C1QTNF9B: variants seen among roughly 807,000 people sequenced by gnomAD.
C1QTNF9B encodes C1q and TNF related 9B, also known as complement C1q and tumor necrosis factor-related protein 9B.
In C1QTNF9B, 9 loss-of-function variants were observed where a neutral mutation model predicts 10.1. The observed-to-expected ratio is 0.89, with a 90% confidence interval of 0.53 to 1.55. The LOEUF is 1.55. Ranked by LOEUF, C1QTNF9B falls within the 40% of genes most tolerant of loss-of-function variation. The probability of loss-of-function intolerance (pLI) is 0.00; values close to 1 mark genes in which losing one functional copy is unlikely to be tolerated. For synonymous variants in C1QTNF9B, 79 were observed against 159.9 expected (o/e 0.49, Z 3.82); for missense variants, 196 against 414.4 (o/e 0.47, Z 4.58).
exon 3 of C1QTNF9B, chr13:23,891,562 G>C: frequency 6.2e-7 from 1 of 1,604,494 alleles, no homozygotes; most frequent in South Asian, 1.1e-5. Context: ...CAGCAATGTG[G>C]CACGTGAATT....
intron 1 of C1QTNF9B, among the ~76,000 whole-genome samples, chr13:23,895,756 TACACACACACAC>T (rs71185099): frequency 1.6e-4 from 24 of 146,680 alleles, no homozygotes; most frequent in African/African-American, 5.5e-4. Context: ...GACACAGACA[TACACACACACAC>T]ACACACACAC....
exon 3 of C1QTNF9B, chr13:23,891,590 T>A: frequency 6.3e-7 from 1 of 1,594,942 alleles, no homozygotes; most frequent in South Asian, 1.1e-5. Context: ...TGCTGTATCA[T>A]AATGGTTGAA....
chr13:23,891,570 A>G (rs995993348), exon 3 of C1QTNF9B: 1 of 1,578,274 alleles, frequency 6.3e-7, no homozygotes, highest in African/African-American at 1.4e-5. Context: ...TGGCACGTGA[A>G]TTTCCCCACT....
At chr13:23,897,188 C>T, upstream of C1QTNF9B, 1 of 621,552 alleles carries the variant, frequency 1.6e-6, no homozygotes. Flanking sequence ...TGACATTGTC[C>T]TTGGAAGGTA....
chr13:23,894,656 G>T, intron 1 of C1QTNF9B: 2 of 459,352 alleles, frequency 4.4e-6, no homozygotes, highest in South Asian at 3.1e-5. Flanking sequence ...TGAAAACACA[G>T]ATGACTATGG....
At chr13:23,897,425 T>A, upstream of C1QTNF9B, 1 of 192,250 alleles carries the variant, frequency 5.2e-6, no homozygotes, top group South Asian at 1.5e-4. Flanking sequence ...TACCATCTGA[T>A]CCAGCAATTC....
intron 2 of C1QTNF9B, among the ~76,000 whole-genome samples, chr13:23,893,535 A>G (rs1872091785): frequency 6.6e-6 from 1 of 152,192 alleles, no homozygotes; most frequent in Admixed American, 6.5e-5. Flanking sequence ...TGCAGTGATG[A>G]GATCATGGCT....
chr13:23,894,648 A>G (rs559168093), intron 1 of C1QTNF9B: 3 of 460,868 alleles, frequency 6.5e-6, no homozygotes, highest in Admixed American at 4.7e-5. Flanking sequence ...GGCTCCTATG[A>G]AAACACAGAT....
chr13:23,894,411 G>A, intron 1 of C1QTNF9B: 1 of 637,568 alleles, frequency 1.6e-6, no homozygotes, highest in South Asian at 1.6e-5. Context: ...CCTAAGAAAT[G>A]AACTGAGTGA....
At position 23,894,757 on chromosome 13, in the gene C1QTNF9B, C is replaced by T. The variant is rs112462835; in HGVS notation, c.167-556G>A. The T allele has an allele frequency of 7.8e-4, 319 of 406,550 alleles. 1 individual carries two copies. Among genetic ancestry groups the T allele is most frequent in the African/African-American group, 6.0e-3 (295 of 49,120 alleles). 25.2% of individuals were successfully genotyped at this position (406,550 alleles called of 1,614,324 possible). ...GGGGAAATGCTACTAATCGAGCTGGCAGAGAACATCAGGTGAGTGGGGCTC... is the reference window on the plus strand; with the variant it reads ...GGGGAAATGCTACTAATCGAGCTGGTAGAGAACATCAGGTGAGTGGGGCTC... On this transcript the variant is annotated intron_variant, in intron 1 of 2. Transcript: ENST00000382137.
chr13:23,891,387 A>C lies in C1QTNF9B; in HGVS notation c.904T>G (p.Trp302Gly), dbSNP rs1317496008. The C allele has an allele frequency of 2.5e-6, 4 of 1,581,512 alleles. 1 individual carries two copies. Among genetic ancestry groups the C allele is most frequent in the Non-Finnish European group, 3.5e-6 (4 of 1,153,812 alleles). The change falls in exon 3 of 3, where the codon TGG becomes GGG. Residue 302 changes from tryptophan to glycine, a missense_variant. Coordinates refer to ENST00000382137, the Ensembl canonical transcript of C1QTNF9B. ...CTCTCTCCTCCTGTCACCTGCAGCCACATCTCATCCCCGAGCTTCAGCTGC... is the reference window on the plus strand; with the variant it reads ...CTCTCTCCTCCTGTCACCTGCAGCCCCATCTCATCCCCGAGCTTCAGCTGC...
Position 23,892,064 on chromosome 13 carries a change from AAAT to A in C1QTNF9B, c.230-6_230-4del, listed in dbSNP as rs1449250197. On this transcript the variant is annotated splice_polypyrimidine_tract_variant and splice_region_variant and intron_variant, in intron 2 of 2. Coordinates refer to ENST00000382137, the Ensembl canonical transcript of C1QTNF9B. ...TGCTTCAACTTTTCCATCTGCTCCT[AAAT>A]AGAGAAAGAGCAAATAAAGAGATAG... 8 of 1,613,190 alleles carry A rather than the reference AAAT, an allele frequency of 5.0e-6. No homozygotes were observed. The highest frequency in any genetic ancestry group is 6.8e-6 in the Non-Finnish European group (8 of 1,179,774).
At chr13:23,894,769 G>C (rs376805638) in intron 1 of C1QTNF9B, 2 of 398,630 alleles carry the variant, frequency 5.0e-6, no homozygotes, top group Non-Finnish European at 1.0e-5. Context: ...GAGAACATCA[G>C]GTGAGTGGGG....
chr13:23,891,608 T>C lies in C1QTNF9B; in HGVS notation c.683A>G (p.Tyr228Cys), dbSNP rs776098924. 1.9e-6 allele frequency: 3 copies of C among 1,612,322 alleles called. No individual in the cohort carries two copies. The Admixed American group carries it at 5.0e-5, about 27-fold the overall frequency. Reference sequence around the variant, plus strand: ...TGTATCATAATGGTTGAATTCATTATACAGGATCTTATCAAATTTAATGGG... The same window carrying C: ...TGTATCATAATGGTTGAATTCATTACACAGGATCTTATCAAATTTAATGGG... The change falls in exon 3 of 3, where the codon TAT (tyrosine) becomes TGT (cysteine). Residue 228 changes from tyrosine to cysteine, a missense_variant. Physicochemically the swap from Tyr to Cys is radical, Grantham distance 194. This residue lies in a region of C1QTNF9B where 28 missense variants were observed against 74.9 expected (regional missense o/e 0.37). Coordinates refer to ENST00000382137, the Ensembl canonical transcript of C1QTNF9B.
chr13:23,895,576 G>A (rs1872172099), intron 1 of C1QTNF9B, among the ~76,000 whole-genome samples: 1 of 152,132 alleles, frequency 6.6e-6, no homozygotes, highest in East Asian at 1.9e-4. Context: ...GGTGAGCAGA[G>A]GAGAGAAATT....
Position 23,891,167 on chromosome 13 carries a change from C to T in C1QTNF9B, c.*122G>A, listed in dbSNP as rs1369601653. 21 of 1,036,908 alleles carry T rather than the reference C, an allele frequency of 2.0e-5. 2 individuals are homozygous for T. The highest frequency in any genetic ancestry group is 2.2e-4 in the Middle Eastern group (1 of 4,490). The allele number at this position is 1,036,908 out of a possible 1,614,324, so 64.2% of individuals were successfully genotyped here. On this transcript the variant is annotated 3_prime_UTR_variant, in exon 3 of 3. Transcript: ENST00000382137. The stretch of plus-strand genomic sequence containing the variant: ...GAATCAGTTTTGGGAATAACTTTTC[C>T]GTTTTCACCTTTTTATGATTATTGT...
chr13:23,895,082 T>G (rs1456436438), intron 1 of C1QTNF9B, among the ~76,000 whole-genome samples: 2 of 152,152 alleles, frequency 1.3e-5, no homozygotes, highest in South Asian at 2.1e-4. Flanking sequence ...CCAGCGCTCC[T>G]GAGTGGGGCC....
chr13:23,891,390 T>A, exon 3 of C1QTNF9B: 1 of 1,580,518 alleles, frequency 6.3e-7, no homozygotes, highest in East Asian at 2.2e-5. Context: ...TGCAGCCACA[T>A]CTCATCCCCG....
At chr13:23,896,785 G>C (rs1872217750) in intron 1 of C1QTNF9B, 36 bp downstream of exon 3, 1 of 1,611,724 alleles carries the variant, frequency 6.2e-7, no homozygotes, top group Non-Finnish European at 8.5e-7. Flanking sequence ...AATGAAGAGA[G>C]AAGCTCAAAG....
Sources: gnomAD v4.1 joint callset for allele counts (sites outside exome capture counted in the v4.1 genomes callset) on GRCh38, gnomAD v4.1.1 for gene constraint, gnomAD v4.1.1 regional missense constraint, MANE v1.5 for transcripts, NCBI Gene and HGNC (gene_info 2026-07-23, HGNC 2026-07-21) for gene names.